Variants in LYST observed in about 807,000 individuals in gnomAD.
LYST encodes the protein lysosomal-trafficking regulator.
In LYST, 192 loss-of-function variants were observed where a neutral mutation model predicts 413.6. That is an observed-to-expected ratio of 0.46 (90% CI 0.41 to 0.52). The LOEUF (loss-of-function observed/expected upper bound fraction) is 0.52, where lower values mean the gene tolerates loss of function less well. Among genes scored for constraint, LYST ranks in the 20% least tolerant of loss-of-function variants. The probability of loss-of-function intolerance (pLI) is 0.00; values close to 1 mark genes in which losing one functional copy is unlikely to be tolerated. For missense variants in LYST, 3,815 were observed against 4,499.9 expected, an observed-to-expected ratio of 0.85 and a Z score of 4.35; for synonymous variants, 1,525 against 1,567.3, an observed-to-expected ratio of 0.97 and a Z score of 0.64.
chr1:235,764,684 G>A (rs1421800992), intron 21 of LYST, among the ~76,000 whole-genome samples: 1 of 151,014 alleles, frequency 6.6e-6, no homozygotes, highest in African/African-American at 2.4e-5. Flanking sequence ...TTTATTTTTA[G>A]TAGAGATGGG....
chr1:235,760,761 T>C (rs968575930), intron 22 of LYST, among the ~76,000 whole-genome samples: 2 of 152,224 alleles, frequency 1.3e-5, no homozygotes. Context: ...CTTTAGAGCA[T>C]AGACTCTGTG....
chr1:235,744,190 C>A, intron 29 of LYST, 33 bp from the exon 30 acceptor site: 2 of 1,122,410 alleles, frequency 1.8e-6, no homozygotes, highest in South Asian at 1.2e-5. Context: ...CAAAATTAGT[C>A]ATATCACTGC....
intron 10 of LYST, among the ~76,000 whole-genome samples, chr1:235,797,664 T>C (rs900506890): frequency 6.6e-6 from 1 of 152,172 alleles, no homozygotes; most frequent in African/African-American, 2.4e-5. Flanking sequence ...TGTAAAACTA[T>C]ATATACCTAA....
Position 235,766,227 on chromosome 1 carries a change from T to C in LYST, c.5973A>G (p.Ser1991=), listed in dbSNP as rs1166335194. Residue 1991 remains serine (S), a synonymous_variant, in exon 21 of 53, where the codon TCA becomes TCG. Coordinates refer to ENST00000389793, the MANE Select transcript of LYST (RefSeq NM_000081.4). ...GGACTTCTGCTATAATTTTCACAAA[T>C]GATCTACAAACCTCTCGGGGCATGG... is the stretch of plus-strand genomic sequence containing the variant. ...LTPMPREVCR[S]FVKIIAEVLG... is the part of the protein sequence containing the mutation. 4.3e-6 allele frequency: 7 copies of C among 1,613,292 alleles called. No individual in the cohort carries two copies. The highest frequency in any genetic ancestry group is 5.1e-6 in the Non-Finnish European group (6 of 1,179,584).
At chr1:235,745,972 A>T (rs1665882684) in intron 29 of LYST, among the ~76,000 whole-genome samples, 1 of 152,130 alleles carries the variant, frequency 6.6e-6, no homozygotes, top group Non-Finnish European at 1.5e-5. Context: ...TATCGATGTT[A>T]CTCACCTGGT....
chr1:235,822,368 G>A (rs1442003744), intron 3 of LYST, among the ~76,000 whole-genome samples: 1 of 152,186 alleles, frequency 6.6e-6, no homozygotes, highest in African/African-American at 2.4e-5. Context: ...TGCTATGGCC[G>A]AGAGATGGCT....
At position 235,720,896 on chromosome 1, in the gene LYST, C is replaced by A; in HGVS notation, c.9325G>T (p.Asp3109Tyr). 6.2e-7 allele frequency: 1 copy of A among 1,613,462 alleles called. No homozygotes were observed. The highest frequency in any genetic ancestry group is 1.3e-5 in the African/African-American group (1 of 75,006). ...LAFDNTKVRDDVYHNILTNNL... is the reference protein window; with the variant it reads ...LAFDNTKVRDYVYHNILTNNL... ...TTTGTGAGTATATTGTGGTATACAT[C>A]ATCACGAACCTAAAAGGGAAGGAGA... Residue 3109 changes from aspartate to tyrosine, a missense_variant, in exon 40 of 53, where the codon GAT becomes TAT. Around this residue, in one of 4 missense-constraint regions of LYST, gnomAD observed 866 missense variants for 1,156.0 expected, o/e 0.75. Coordinates refer to ENST00000389793, the MANE Select transcript of LYST (RefSeq NM_000081.4).
intron 48 of LYST, among the ~76,000 whole-genome samples, chr1:235,680,874 C>T (rs965190679): frequency 1.3e-5 from 2 of 152,210 alleles, no homozygotes; most frequent in Non-Finnish European, 2.9e-5. Flanking sequence ...GTTGGGATTA[C>T]AGGCGTGAGC....
rs1233054471 is a variant in LYST, at chr1:235,805,724, A to G, written c.3393+19T>C. Reference sequence around the variant, plus strand: ...TGTATATATATTACATAAGAGTTGGACTAAGGACAAGGTATTACCTGATTA... The same window carrying G: ...TGTATATATATTACATAAGAGTTGGGCTAAGGACAAGGTATTACCTGATTA... On this transcript the variant is annotated intron_variant, in intron 6 of 52. Coordinates refer to ENST00000389793, the MANE Select transcript of LYST (RefSeq NM_000081.4). 10 of 1,568,000 alleles carry G rather than the reference A, an allele frequency of 6.4e-6. No homozygotes were observed. The highest frequency in any genetic ancestry group is 1.4e-5 in the African/African-American group (1 of 73,782).
intron 3 of LYST, among the ~76,000 whole-genome samples, chr1:235,815,294 G>A (rs1429955842): frequency 6.6e-6 from 1 of 152,116 alleles, no homozygotes; most frequent in Admixed American, 6.5e-5. Context: ...CCTAGCACAG[G>A]AGACAGAAAA....
chr1:235,663,998 A>T lies in LYST; in HGVS notation c.11253T>A (p.Asn3751Lys), dbSNP rs1174325073. 1 of 1,612,308 alleles carries T rather than the reference A, an allele frequency of 6.2e-7. No individual in the cohort carries two copies. The change falls in exon 52 of 53, where the codon AAT (asparagine) becomes AAA (lysine). Residue 3751 changes from asparagine to lysine, a missense_variant. By Grantham distance (94) the Asn-to-Lys change is moderately conservative (BLOSUM62 0). Coordinates refer to ENST00000389793, the MANE Select transcript of LYST (RefSeq NM_000081.4). The part of the protein sequence containing the change: ...PVREITFPKS[N>K]KPIISLTFSC... ...GAAGATCTTACCTGATGATGGGCTT[A>T]TTTGATTTGGGAAATGTAATTTCTC...
intron 31 of LYST, chr1:235,737,916 A>AAGGCTTAG: frequency 8.6e-6 from 10 of 1,163,406 alleles, no homozygotes; most frequent in Middle Eastern, 3.6e-4. Context: ...GCTGCCGACG[A>AAGGCTTAG]GTCTGGATCT....
upstream of LYST, among the ~76,000 whole-genome samples, chr1:235,870,869 C>A (rs1342680766): frequency 3.3e-5 from 5 of 152,094 alleles, no homozygotes; most frequent in Non-Finnish European, 7.4e-5. Context: ...AGTAAGTTGA[C>A]CATAATTTTG....
intron 8 of LYST, 36 bp from the exon 9 acceptor site, chr1:235,801,133 C>T (rs1290679728): frequency 1.6e-6 from 2 of 1,231,872 alleles, no homozygotes; most frequent in Non-Finnish European, 2.4e-6. Flanking sequence ...CTTGTATTCC[C>T]TAAACACTAA....
chr1:235,784,776 T>C (rs1670242384), intron 14 of LYST, among the ~76,000 whole-genome samples: 1 of 152,142 alleles, frequency 6.6e-6, no homozygotes, highest in Non-Finnish European at 1.5e-5. Flanking sequence ...GGCTCTCTAC[T>C]TACAACTCCA....
At chr1:235,792,630 T>G (rs1252357479) in intron 11 of LYST, among the ~76,000 whole-genome samples, 2 of 150,564 alleles carry the variant, frequency 1.3e-5, no homozygotes, top group African/African-American at 4.9e-5. Context: ...TCTTAAAATA[T>G]GTAATCTTTT....
At chr1:235,775,923 G>A (rs191203012) in intron 17 of LYST, among the ~76,000 whole-genome samples, 4 of 152,052 alleles carry the variant, frequency 2.6e-5, no homozygotes, top group Admixed American at 1.3e-4. Context: ...ACTGAACAAG[G>A]TTTATAAGTT....
chr1:235,860,448 T>C (rs1679733582), intron 1 of LYST, among the ~76,000 whole-genome samples: 1 of 152,210 alleles, frequency 6.6e-6, no homozygotes, highest in South Asian at 2.1e-4. Flanking sequence ...GCTACCACTG[T>C]AGTATCTTCA....
upstream of LYST, among the ~76,000 whole-genome samples, chr1:235,867,163 G>A (rs1384078248): frequency 6.6e-6 from 1 of 152,230 alleles, no homozygotes. Flanking sequence ...GCCGGGGCCC[G>A]GTCTGGGTTT....
Sources: gnomAD v4.1 joint callset for allele counts (sites outside exome capture counted in the v4.1 genomes callset) on GRCh38, gnomAD v4.1.1 for gene constraint, gnomAD v4.1.1 regional missense constraint, MANE v1.5 for transcripts, NCBI Gene and HGNC (gene_info 2026-07-23, HGNC 2026-07-21) for gene names.